AGBL4: variants seen among roughly 807,000 people sequenced by gnomAD.
AGBL4 encodes cytosolic carboxypeptidase 6.
AGBL4 carries 58 observed loss-of-function variants against 66.4 expected under a neutral mutation model. That is an observed-to-expected ratio of 0.87 (90% confidence interval 0.71 to 1.09). The LOEUF (loss-of-function observed/expected upper bound fraction) is 1.09. Ranked by LOEUF, AGBL4 falls within the 50% of genes least tolerant of loss-of-function variation. The pLI is 0.00. For missense variants in AGBL4, 579 were observed against 631.0 expected (o/e 0.92, Z 0.88); for synonymous variants, 234 against 222.9 (o/e 1.05, Z -0.44).
intron 4 of AGBL4, among the ~76,000 whole-genome samples, chr1:49,056,580 T>C (rs1361059321): frequency 2.0e-5 from 3 of 152,002 alleles, no homozygotes; most frequent in Admixed American, 2.0e-4. Context: ...TGTGAATAAA[T>C]AGGAATAAGT....
rs540749134 is a variant in AGBL4, at chr1:49,908,073, T to C, written c.35-56555A>G. Among the ~76,000 whole-genome samples the C allele has an allele frequency of 2.0e-5, 3 of 152,292 alleles. No individual in the cohort carries two copies. In the East Asian group the frequency reaches 5.8e-4, roughly 29 times the overall value. The stretch of plus-strand genomic sequence containing the variant: ...AGTGCAGCTGAGATAAATAAAACTT[T>C]GTTAAGAAAGTGTCTCAAGGCCAGG... On this transcript the variant is annotated intron_variant, in intron 1 of 13. Coordinates refer to ENST00000371839, the MANE Select transcript of AGBL4 (RefSeq NM_032785.4).
intron 3 of AGBL4, among the ~76,000 whole-genome samples, chr1:49,358,646 A>T (rs1465999054): frequency 6.6e-6 from 1 of 152,148 alleles, no homozygotes; most frequent in Non-Finnish European, 1.5e-5. Context: ...TTAGCGCTGA[A>T]CATTTAGAAA....
chr1:49,616,985 T>C (rs1645260134), intron 3 of AGBL4, among the ~76,000 whole-genome samples: 1 of 152,188 alleles, frequency 6.6e-6, no homozygotes, highest in Non-Finnish European at 1.5e-5. Context: ...ATTCTTCTAT[T>C]GTACATTTTC....
At chr1:48,770,813 G>A (rs1358084673) in intron 6 of AGBL4, among the ~76,000 whole-genome samples, 1 of 152,124 alleles carries the variant, frequency 6.6e-6, no homozygotes, top group Non-Finnish European at 1.5e-5. Context: ...TAAGTCCCAT[G>A]AATTAGTCCC....
At chr1:48,704,481 A>G (rs1298647237) in intron 6 of AGBL4, among the ~76,000 whole-genome samples, 2 of 152,266 alleles carry the variant, frequency 1.3e-5, no homozygotes, top group African/African-American at 2.4e-5. Context: ...AGCTTAAAAT[A>G]CAAACACATT....
intron 2 of AGBL4, among the ~76,000 whole-genome samples, chr1:49,797,719 A>G (rs1470788289): frequency 6.6e-6 from 1 of 152,172 alleles, no homozygotes; most frequent in Non-Finnish European, 1.5e-5. Context: ...CACTGGGATT[A>G]CAGGTGTGAG....
chr1:49,036,552 T>C (rs1664670851), intron 5 of AGBL4, among the ~76,000 whole-genome samples: 1 of 151,984 alleles, frequency 6.6e-6, no homozygotes, highest in African/African-American at 2.4e-5. Flanking sequence ...GTCAGTGTCT[T>C]GATATGATTG....
chr1:48,547,895 G>A (rs1252938562), intron 11 of AGBL4, among the ~76,000 whole-genome samples: 1 of 151,978 alleles, frequency 6.6e-6, no homozygotes, highest in African/African-American at 2.4e-5. Flanking sequence ...CCCTTCACTG[G>A]GCCTAACTTC....
At chr1:49,679,313 T>C (rs1307346296) in intron 3 of AGBL4, among the ~76,000 whole-genome samples, 1 of 152,182 alleles carries the variant, frequency 6.6e-6, no homozygotes, top group East Asian at 1.9e-4. Flanking sequence ...GATAATTTTC[T>C]TTGTTCTACT....
At chr1:49,401,228 C>T (rs555754888) in intron 3 of AGBL4, among the ~76,000 whole-genome samples, 11 of 152,166 alleles carry the variant, frequency 7.2e-5, no homozygotes, top group Middle Eastern at 3.4e-3. Context: ...GAGTGCCATG[C>T]GAAGGGGGAA....
chr1:49,385,725 A>C (rs1644722746), intron 3 of AGBL4, among the ~76,000 whole-genome samples: 1 of 152,064 alleles, frequency 6.6e-6, no homozygotes, highest in African/African-American at 2.4e-5. Context: ...GAAGACATAA[A>C]TATTATAGAA....
intron 5 of AGBL4, among the ~76,000 whole-genome samples, chr1:48,917,035 G>T (rs977599438): frequency 1.3e-5 from 2 of 151,986 alleles, no homozygotes; most frequent in African/African-American, 4.8e-5. Flanking sequence ...GAAAAAGAAG[G>T]AAAATGTTAG....
At chr1:49,388,991 A>G (rs1348293310) in intron 3 of AGBL4, among the ~76,000 whole-genome samples, 9 of 152,156 alleles carry the variant, frequency 5.9e-5, no homozygotes, top group African/African-American at 1.4e-4. Context: ...TTTAGATAAA[A>G]AATGTTTAGC....
intron 6 of AGBL4, among the ~76,000 whole-genome samples, chr1:48,864,292 A>G (rs1307120968): frequency 6.6e-6 from 1 of 152,196 alleles, no homozygotes; most frequent in Admixed American, 6.5e-5. Context: ...GACAATTTCA[A>G]GTGTTAAGGC....
At chr1:49,157,959 C>T (rs1259967663) in intron 4 of AGBL4, among the ~76,000 whole-genome samples, 1 of 151,816 alleles carries the variant, frequency 6.6e-6, no homozygotes, top group Admixed American at 6.6e-5. Context: ...TGTTTAAGTT[C>T]TTTGTAGATT....
intron 11 of AGBL4, among the ~76,000 whole-genome samples, chr1:48,580,178 G>A (rs1019288307): frequency 6.6e-6 from 1 of 152,182 alleles, no homozygotes; most frequent in Non-Finnish European, 1.5e-5. Context: ...CAGATCACCA[G>A]AGGCTTAGGA....
At chr1:49,845,683 A>G (rs1646122637) in intron 2 of AGBL4, 1 of 1,603,744 alleles carries the variant, frequency 6.2e-7, no homozygotes, top group African/African-American at 1.3e-5. Flanking sequence ...TGAGTCTGGG[A>G]AAGCCTTCAG....
chr1:49,131,201 T>C (rs1480944956), intron 4 of AGBL4, among the ~76,000 whole-genome samples: 1 of 152,056 alleles, frequency 6.6e-6, no homozygotes. Context: ...TTTATAATGG[T>C]AGAATGTAGA....
At position 49,437,400 on chromosome 1, in the gene AGBL4, T is replaced by C. The variant is rs192773717; in HGVS notation, c.283-191536A>G. Among the ~76,000 whole-genome samples, 9 of 152,336 alleles carry C rather than the reference T, an allele frequency of 5.9e-5. 1 individual carries two copies. The East Asian group carries it at 1.3e-3, about 23-fold the overall frequency. On this transcript the variant is annotated intron_variant, in intron 3 of 13. Transcript: ENST00000371839. ...AACTCTGTCTTGTATATTTATGCAA[T>C]AGATAAATACCCCAAGCTTTTCTAA...
Sources: allele counts gnomAD v4.1 joint callset (sites outside exome capture counted in the v4.1 genomes callset), GRCh38; gene constraint gnomAD v4.1.1; transcripts MANE v1.5; gene names NCBI Gene and HGNC (gene_info 2026-07-23, HGNC 2026-07-21).